The following FAM228A variants were observed in gnomAD, a reference collection of about 807,000 sequenced individuals.
FAM228A encodes family with sequence similarity 228 member A, also known as protein FAM228A.
A neutral mutation model predicts 18.6 loss-of-function variants in FAM228A; 13 were observed. The observed-to-expected ratio is 0.70, with a 90% confidence interval of 0.45 to 1.11. The LOEUF is 1.11. Among genes scored for constraint, FAM228A ranks in the 50% least tolerant of loss-of-function variants. FAM228A has a pLI of 0.00. For synonymous variants in FAM228A, 77 were observed against 86.6 expected (o/e 0.89, Z 0.61); for missense variants, 240 against 242.2 (o/e 0.99, Z 0.06).
chr2:24,177,562 G>T (rs1186300573), intron 2 of FAM228A, among the ~76,000 whole-genome samples: 9 of 151,826 alleles, frequency 5.9e-5, no homozygotes, highest in Non-Finnish European at 1.3e-4. Context: ...AATAGTCTGG[G>T]TGGGGGGGTG....
At chr2:24,175,989 T>C in intron 2 of FAM228A, 1 of 1,013,228 alleles carries the variant, frequency 9.9e-7, no homozygotes, top group Non-Finnish European at 1.2e-6. Flanking sequence ...CTAGTGGCGG[T>C]CGGAGCAGTG....
chr2:24,184,378 A>C (rs1342700637), intron 5 of FAM228A, among the ~76,000 whole-genome samples: 1 of 82,528 alleles, frequency 1.2e-5, no homozygotes, highest in Non-Finnish European at 3.2e-5. Context: ...AGACACTGTC[A>C]AAAAAAAAAA....
intron 5 of FAM228A, among the ~76,000 whole-genome samples, chr2:24,190,017 C>G (rs901969711): frequency 6.6e-6 from 1 of 152,196 alleles, no homozygotes; most frequent in Non-Finnish European, 1.5e-5. Flanking sequence ...CTTCGTGAAC[C>G]TGCTCTGTTT....
At chr2:24,181,551 ATTGT>A (rs2151043454) in intron 3 of FAM228A, among the ~76,000 whole-genome samples, 1 of 152,060 alleles carries the variant, frequency 6.6e-6, no homozygotes, top group Non-Finnish European at 1.5e-5. Context: ...TGCCTGGCTA[ATTGT>A]TTGTATTTTT....
intron 3 of FAM228A, chr2:24,179,353 T>A: frequency 3.1e-6 from 1 of 324,354 alleles, no homozygotes; most frequent in Non-Finnish European, 4.9e-6. Context: ...GTCTAACAAT[T>A]TCACTGGTTA....
chr2:24,179,716 G>C (rs1667771561), intron 3 of FAM228A, among the ~76,000 whole-genome samples: 1 of 152,144 alleles, frequency 6.6e-6, no homozygotes, highest in African/African-American at 2.4e-5. Context: ...TCTTCATTCA[G>C]GGCAGGAGGA....
Position 24,175,508 on chromosome 2 carries a change from G to GGC in FAM228A, c.28_29insGC (p.Asp10GlyfsTer10), listed in dbSNP as rs1667658680. 4 of 1,614,088 alleles carry GGC rather than the reference G, an allele frequency of 2.5e-6. No homozygotes were observed. Among genetic ancestry groups the GGC allele is most frequent in the Non-Finnish European group, 3.4e-6 (4 of 1,180,022 alleles). ...GGCTGCCACCAAAACTGCGAGTTAT[G>GGC]ATGAACATTTCAGGCCAGAAAAGTT... is the stretch of plus-strand genomic sequence containing the variant. On this transcript the variant is annotated frameshift_variant, in exon 2 of 6. Transcript: ENST00000295150. LOFTEE classifies it high-confidence loss of function.
At chr2:24,186,049 G>A (rs1370419054) in intron 5 of FAM228A, among the ~76,000 whole-genome samples, 1 of 151,842 alleles carries the variant, frequency 6.6e-6, no homozygotes, top group Non-Finnish European at 1.5e-5. Context: ...TTTTTGAGAT[G>A]GAGTCTCGCT....
At chr2:24,183,688 C>T in intron 5 of FAM228A, 43 bp downstream of exon 5, 1 of 1,522,052 alleles carries the variant, frequency 6.6e-7, no homozygotes, top group Non-Finnish European at 8.9e-7. Context: ...TAACTTGCAA[C>T]TTACTTTATT....
intron 5 of FAM228A, 131 bp downstream of exon 5, chr2:24,183,776 T>C (rs974813482): frequency 2.6e-6 from 2 of 755,570 alleles, no homozygotes; most frequent in African/African-American, 3.5e-5. Flanking sequence ...TCATCACCTT[T>C]GTATTATGAA....
At position 24,183,367 on chromosome 2, in the gene FAM228A, A is replaced by G. The variant is rs1033928226; in HGVS notation, c.245A>G (p.Glu82Gly). ...DEERRTGLQCETGKRHSIKEL... is the reference protein window; with the variant it reads ...DEERRTGLQCGTGKRHSIKEL... The stretch of plus-strand genomic sequence containing the variant: ...GAGAGGAGAACTGGTCTTCAGTGTG[A>G]GACAGGTGCTTTGTGATCACTGGGC... Residue 82 changes from glutamate (E) to glycine (G), a missense_variant, in exon 4 of 6, where the codon GAG (glutamate) becomes GGG (glycine). Coordinates refer to ENST00000295150, the MANE Select transcript of FAM228A (RefSeq NM_001040710.3). 3.1e-6 allele frequency: 5 copies of G among 1,613,624 alleles called. No homozygotes were observed. In the African/African-American group the frequency reaches 6.7e-5, roughly 22 times the overall value.
intron 5 of FAM228A, chr2:24,188,300 GGTTT>G (rs1386644136): frequency 3.5e-6 from 1 of 284,316 alleles, no homozygotes; most frequent in Non-Finnish European, 5.3e-6. Context: ...AGATTGTGCA[GGTTT>G]GTTACACAGG....
intron 5 of FAM228A, chr2:24,188,690 G>C: frequency 1.0e-6 from 1 of 980,248 alleles, no homozygotes; most frequent in Non-Finnish European, 1.2e-6. Flanking sequence ...AGGAAGGTAA[G>C]AGTTGGAGAT....
chr2:24,179,344 T>G (rs1573802149), intron 3 of FAM228A: 1 of 371,738 alleles, frequency 2.7e-6, no homozygotes, highest in East Asian at 1.6e-4. Flanking sequence ...GAAGAGTTGG[T>G]CTAACAATTT....
chr2:24,188,443 A>C, intron 5 of FAM228A: 1 of 985,336 alleles, frequency 1.0e-6, no homozygotes, highest in Non-Finnish European at 1.2e-6. Flanking sequence ...GGTTTTGGGA[A>C]ATGCTGTCTG....
chr2:24,182,046 G>T (rs895885512), intron 3 of FAM228A, among the ~76,000 whole-genome samples: 3 of 152,178 alleles, frequency 2.0e-5, no homozygotes, highest in African/African-American at 7.2e-5. Flanking sequence ...TCAGCACAGG[G>T]ATTATGGGAC....
rs780519702 is a variant in FAM228A at position 24,183,360 on chromosome 2, C to T, written c.238C>T (p.Gln80Ter). ...EVDEERRTGL[Q>*]CETGKRHSIK... The stretch of plus-strand genomic sequence containing the variant: ...GGATGAAGAGAGGAGAACTGGTCTT[C>T]AGTGTGAGACAGGTGCTTTGTGATC... Residue 80 changes from glutamine to a stop codon, truncating the protein, a stop_gained, in exon 4 of 6, where the codon CAG becomes TAG. Coordinates refer to ENST00000295150, the MANE Select transcript of FAM228A (RefSeq NM_001040710.3). LOFTEE classifies it high-confidence loss of function. The T allele has an allele frequency of 6.2e-7, 1 of 1,613,854 alleles. No homozygotes were observed. Among genetic ancestry groups the T allele is most frequent in the South Asian group, 1.1e-5 (1 of 91,076 alleles).
intron 3 of FAM228A, chr2:24,179,282 G>T: frequency 1.6e-6 from 1 of 634,262 alleles, no homozygotes; most frequent in Non-Finnish European, 2.1e-6. Context: ...ATTATTTACA[G>T]CACAGACATA....
At chr2:24,176,186 T>G (rs192178014) in intron 2 of FAM228A, 1 of 984,828 alleles carries the variant, frequency 1.0e-6, no homozygotes, top group Non-Finnish European at 1.2e-6. Context: ...ACATAACATT[T>G]GTTAACAATC....
Sources: gnomAD v4.1 joint callset for allele counts (sites outside exome capture counted in the v4.1 genomes callset) on GRCh38, gnomAD v4.1.1 for gene constraint, MANE v1.5 for transcripts, NCBI Gene and HGNC (gene_info 2026-07-23, HGNC 2026-07-21) for gene names.